Variants in RELN observed in about 807,000 individuals in gnomAD.
RELN encodes reelin.
Under a neutral mutation model 427.6 loss-of-function variants are expected in RELN, and 108 were observed. That is an observed-to-expected ratio of 0.25 (90% CI 0.22 to 0.30). The LOEUF (loss-of-function observed/expected upper bound fraction) is 0.30, where lower values mean the gene tolerates loss of function less well. Ranked by LOEUF, RELN falls within the 10% of genes least tolerant of loss-of-function variation. RELN has a pLI of 1.00. For missense variants in RELN, 3,715 were observed against 4,302.8 expected, an observed-to-expected ratio of 0.86 and a Z score of 3.82; for synonymous variants, 1,524 against 1,513.4, an observed-to-expected ratio of 1.01 and a Z score of -0.16.
intron 7 of RELN, among the ~76,000 whole-genome samples, chr7:103,723,699 T>C (rs563915359): frequency 1.4e-4 from 22 of 152,154 alleles, no homozygotes; most frequent in Non-Finnish European, 2.9e-4. Flanking sequence ...TGGAGGGGTG[T>C]GATGAAATGG....
chr7:103,615,909 T>A (rs1310935580), intron 20 of RELN, among the ~76,000 whole-genome samples: 1 of 152,096 alleles, frequency 6.6e-6, no homozygotes, highest in Admixed American at 6.5e-5. Context: ...TCCCAGAGCC[T>A]CTTTCCCATC....
intron 11 of RELN, among the ~76,000 whole-genome samples, chr7:103,670,184 C>T (rs1246547784): frequency 6.6e-6 from 1 of 151,990 alleles, no homozygotes; most frequent in Non-Finnish European, 1.5e-5. Context: ...TTTAACCAGC[C>T]CACACTTCAA....
At chr7:103,560,100 G>T (rs932792396) in intron 36 of RELN, among the ~76,000 whole-genome samples, 1 of 152,144 alleles carries the variant, frequency 6.6e-6, no homozygotes, top group Non-Finnish European at 1.5e-5. Flanking sequence ...TATTTATACA[G>T]CAGAACTGTC....
intron 3 of RELN, among the ~76,000 whole-genome samples, chr7:103,784,236 G>C (rs2116242388): frequency 6.6e-6 from 1 of 152,228 alleles, no homozygotes; most frequent in Middle Eastern, 3.4e-3. Flanking sequence ...TGTCAAATGT[G>C]TCAAAAGTTC....
chr7:103,925,924 T>A (rs998649462), intron 1 of RELN, among the ~76,000 whole-genome samples: 2 of 152,084 alleles, frequency 1.3e-5, no homozygotes, highest in Non-Finnish European at 2.9e-5. Context: ...ATCAGGTGTG[T>A]AAAGCTTTTA....
At chr7:103,728,781 C>G (rs538972027) in intron 6 of RELN, among the ~76,000 whole-genome samples, 1 of 152,206 alleles carries the variant, frequency 6.6e-6, no homozygotes, top group South Asian at 2.1e-4. Context: ...TCAAACAAAT[C>G]TGCATGTATA....
intron 52 of RELN, among the ~76,000 whole-genome samples, chr7:103,501,910 T>C (rs921934470): frequency 3.3e-5 from 5 of 151,904 alleles, no homozygotes; most frequent in African/African-American, 1.2e-4. Context: ...CAACTATCTT[T>C]CTTTCTCACT....
intron 48 of RELN, 34 bp from the exon 49 acceptor site, chr7:103,519,550 A>C: frequency 6.7e-7 from 1 of 1,502,062 alleles, no homozygotes; most frequent in Non-Finnish European, 9.3e-7. Flanking sequence ...AAAAAGTGAT[A>C]AGGAATCTCG....
chr7:103,577,442 G>C (rs1831029374), intron 28 of RELN, among the ~76,000 whole-genome samples: 1 of 151,836 alleles, frequency 6.6e-6, no homozygotes, highest in African/African-American at 2.4e-5. Context: ...TTCAGTGTAA[G>C]AGGAAGGTGA....
chr7:103,490,776 C>A lies in RELN; in HGVS notation c.9497G>T (p.Ser3166Ile), dbSNP rs1828622359. Reference sequence around the variant, plus strand: ...GAACTGGAAAGGGGAGCAGCCAATGCTGTTAGAAGAGGAAGGAAGGCACTG... The same window carrying A: ...GAACTGGAAAGGGGAGCAGCCAATGATGTTAGAAGAGGAAGGAAGGCACTG... ...QTQCLPSSSN[S>I]IGCSPFQFHE... The change falls in exon 59 of 65, where the codon AGC (serine) becomes ATC (isoleucine). Residue 3166 changes from serine (S) to isoleucine (I), a missense_variant. Physicochemically the swap from Ser to Ile is moderately radical, Grantham distance 142. Around this residue, in one of 4 missense-constraint regions of RELN, gnomAD observed 1,310 missense variants for 1,643.0 expected, o/e 0.80. Transcript: ENST00000428762. 6.2e-7 allele frequency: 1 copy of A among 1,614,046 alleles called. No homozygotes were observed. Among genetic ancestry groups the A allele is most frequent in the Non-Finnish European group, 8.5e-7 (1 of 1,180,044 alleles).
At chr7:103,676,391 C>G (rs1833525253) in intron 11 of RELN, among the ~76,000 whole-genome samples, 1 of 152,112 alleles carries the variant, frequency 6.6e-6, no homozygotes, top group South Asian at 2.1e-4. Context: ...CAGGAAACAA[C>G]AGGTGCTGGA....
chr7:103,978,294 T>A (rs1036144192), intron 1 of RELN, among the ~76,000 whole-genome samples: 80 of 152,312 alleles, frequency 5.3e-4, no homozygotes, highest in African/African-American at 1.9e-3. Flanking sequence ...TTTTTCAGAT[T>A]CCACATATAA....
At chr7:103,724,330 T>C (rs1790150790) in intron 7 of RELN, among the ~76,000 whole-genome samples, 1 of 152,178 alleles carries the variant, frequency 6.6e-6, no homozygotes, top group Admixed American at 6.5e-5. Context: ...TGCTATACAA[T>C]TCATGAAGAG....
At chr7:103,634,108 G>A (rs1389216541) in intron 19 of RELN, among the ~76,000 whole-genome samples, 7 of 152,102 alleles carry the variant, frequency 4.6e-5, no homozygotes, top group South Asian at 2.1e-4. Flanking sequence ...TAAATATGGA[G>A]GCAGTTCTAG....
chr7:103,710,463 C>A (rs894484979), intron 8 of RELN, among the ~76,000 whole-genome samples: 2 of 152,152 alleles, frequency 1.3e-5, no homozygotes, highest in Non-Finnish European at 2.9e-5. Flanking sequence ...ATGCATCCAG[C>A]ATCATGACTA....
At chr7:103,596,727 T>C in intron 24 of RELN, 66 bp from the exon 25 acceptor site, 2 of 1,391,758 alleles carry the variant, frequency 1.4e-6, no homozygotes, top group Non-Finnish European at 2.0e-6. Context: ...GTTGTTTCAG[T>C]TCCAAATTCA....
chr7:103,870,990 G>A (rs1168284094), intron 2 of RELN, among the ~76,000 whole-genome samples: 1 of 152,092 alleles, frequency 6.6e-6, no homozygotes, highest in African/African-American at 2.4e-5. Flanking sequence ...TCACTGCTCT[G>A]CAGTTAGGAA....
intron 24 of RELN, among the ~76,000 whole-genome samples, chr7:103,601,264 C>A (rs1562915771): frequency 6.6e-6 from 1 of 152,122 alleles, no homozygotes. Context: ...ATGTGCAATG[C>A]ATTTTGATAA....
At chr7:103,721,262 C>T (rs767301602) in intron 8 of RELN, among the ~76,000 whole-genome samples, 10 of 151,752 alleles carry the variant, frequency 6.6e-5, no homozygotes, top group Non-Finnish European at 1.3e-4. Context: ...CTCTCTCTCT[C>T]TCTCTCTCTT....
Sources: gnomAD v4.1 joint callset for allele counts (sites outside exome capture counted in the v4.1 genomes callset) on GRCh38, gnomAD v4.1.1 for gene constraint, gnomAD v4.1.1 regional missense constraint, MANE v1.5 for transcripts, NCBI Gene and HGNC (gene_info 2026-07-23, HGNC 2026-07-21) for gene names.